Variants in SCLT1 observed in about 807,000 individuals in gnomAD.
The protein encoded by SCLT1 is sodium channel-associated protein 1.
SCLT1 carries 78 observed loss-of-function variants against 112.8 expected under a neutral mutation model. That is an observed-to-expected ratio of 0.69 (90% confidence interval 0.58 to 0.83). SCLT1 has a LOEUF of 0.83. Among genes scored for constraint, SCLT1 ranks in the 40% least tolerant of loss-of-function variants. The pLI is 0.00. For missense variants in SCLT1, 747 were observed against 770.4 expected (o/e 0.97, Z 0.36); for synonymous variants, 257 against 254.7 (o/e 1.01, Z -0.09).
At chr4:128,945,475 A>G (rs1738069269) in intron 16 of SCLT1, among the ~76,000 whole-genome samples, 1 of 152,200 alleles carries the variant, frequency 6.6e-6, no homozygotes, top group South Asian at 2.1e-4. Flanking sequence ...AGGTATTAGT[A>G]TTTAATTAAA....
At chr4:129,012,288 C>T (rs1302399598) in intron 5 of SCLT1, among the ~76,000 whole-genome samples, 2 of 152,128 alleles carry the variant, frequency 1.3e-5, no homozygotes, top group African/African-American at 4.8e-5. Flanking sequence ...ATTATTTACC[C>T]AAACGTCATT....
At chr4:128,989,397 AG>A (rs142706302) in intron 9 of SCLT1, among the ~76,000 whole-genome samples, 2,684 of 152,056 alleles carry the variant, frequency 0.018, 96 homozygotes, top group African/African-American at 0.062. Flanking sequence ...TAACCAATTT[AG>A]AAGGAAATTT....
At chr4:129,002,534 A>G (rs1366267461) in intron 6 of SCLT1, among the ~76,000 whole-genome samples, 1 of 152,114 alleles carries the variant, frequency 6.6e-6, no homozygotes, top group Non-Finnish European at 1.5e-5. Context: ...TTTTCCTTTA[A>G]AAATTTTCAT....
At chr4:129,090,541 G>A (rs149149341) in intron 1 of SCLT1, among the ~76,000 whole-genome samples, 12 of 152,220 alleles carry the variant, frequency 7.9e-5, no homozygotes, top group Non-Finnish European at 1.8e-4. Context: ...CTTGGGTTAG[G>A]CAATGATTTC....
chr4:129,044,486 T>C (rs1184768475), intron 2 of SCLT1, among the ~76,000 whole-genome samples: 1 of 151,866 alleles, frequency 6.6e-6, no homozygotes, highest in African/African-American at 2.4e-5. Context: ...AGTAGCTTTT[T>C]CAAATACCAG....
At chr4:128,899,181 A>G (rs1274305585) in intron 18 of SCLT1, among the ~76,000 whole-genome samples, 1 of 152,234 alleles carries the variant, frequency 6.6e-6, no homozygotes, top group African/African-American at 2.4e-5. Context: ...TTATGAGGCC[A>G]GCATCATCCT....
chr4:128,958,352 T>C (rs1223514150), intron 12 of SCLT1, among the ~76,000 whole-genome samples: 1 of 152,190 alleles, frequency 6.6e-6, no homozygotes, highest in African/African-American at 2.4e-5. Context: ...CTGCCTTGTT[T>C]GTGTGATCGG....
At chr4:128,974,856 T>C (rs940924719) in intron 9 of SCLT1, among the ~76,000 whole-genome samples, 1 of 152,046 alleles carries the variant, frequency 6.6e-6, no homozygotes, top group African/African-American at 2.4e-5. Flanking sequence ...AAAACACAAC[T>C]AGTTAACTAT....
At chr4:129,025,064 T>A (rs1013587507) in intron 5 of SCLT1, among the ~76,000 whole-genome samples, 1 of 152,208 alleles carries the variant, frequency 6.6e-6, no homozygotes, top group African/African-American at 2.4e-5. Flanking sequence ...AGACCAAATC[T>A]ACGTCTGATT....
intron 6 of SCLT1, among the ~76,000 whole-genome samples, chr4:129,000,852 A>G (rs746742385): frequency 6.6e-6 from 1 of 151,936 alleles, no homozygotes; most frequent in Non-Finnish European, 1.5e-5. Flanking sequence ...TAGAAGCTGG[A>G]CGACCCTCTT....
At chr4:129,026,766 GT>G (rs1746135228) in intron 5 of SCLT1, among the ~76,000 whole-genome samples, 1 of 152,116 alleles carries the variant, frequency 6.6e-6, no homozygotes, top group Non-Finnish European at 1.5e-5. Flanking sequence ...CCAGGAGCTG[GT>G]TTTTTGAAAG....
chr4:128,893,635 C>G (rs1225746716), intron 18 of SCLT1, among the ~76,000 whole-genome samples: 1 of 152,114 alleles, frequency 6.6e-6, no homozygotes, highest in Non-Finnish European at 1.5e-5. Flanking sequence ...CTCTGCCTCC[C>G]AGGCTCATGC....
At chr4:128,879,447 A>T (rs993249441), downstream of SCLT1, among the ~76,000 whole-genome samples, 17 of 152,328 alleles carry the variant, frequency 1.1e-4, no homozygotes, top group Non-Finnish European at 2.1e-4. Flanking sequence ...TGTCAAAATT[A>T]TAAATTCCTC....
Position 128,992,171 on chromosome 4 carries a change from G to C in SCLT1, c.682C>G (p.Leu228Val). 1 of 1,578,478 alleles carries C rather than the reference G, an allele frequency of 6.3e-7. No homozygotes were observed. The highest frequency in any genetic ancestry group is 2.3e-5 in the East Asian group (1 of 44,232). The change falls in exon 9 of 21, where the codon CTT becomes GTT. Residue 228 changes from leucine to valine, a missense_variant. This residue lies in a region of SCLT1 where 723 missense variants were observed against 721.3 expected (regional missense o/e 1.00). Coordinates refer to ENST00000281142, the MANE Select transcript of SCLT1 (RefSeq NM_144643.4). Reference protein sequence around the residue: ...SVIIEQLRKKLRQAKLELRVA... With the variant: ...SVIIEQLRKKVRQAKLELRVA... ...GAAACTCATTTTTGAAAATACCTAAGTTTTTTTCGGAGTTGTTCGATTATC... is the reference window on the plus strand; with the variant it reads ...GAAACTCATTTTTGAAAATACCTAACTTTTTTTCGGAGTTGTTCGATTATC...
intron 2 of SCLT1, among the ~76,000 whole-genome samples, chr4:129,068,212 GTA>G (rs779442161): frequency 3.4e-4 from 52 of 151,908 alleles, no homozygotes; most frequent in Non-Finnish European, 6.5e-4. Flanking sequence ...ACATATATAT[GTA>G]TGTGTGTGTG....
intron 18 of SCLT1, among the ~76,000 whole-genome samples, chr4:128,901,001 A>G (rs556781657): frequency 6.6e-6 from 1 of 152,160 alleles, no homozygotes; most frequent in East Asian, 1.9e-4. Context: ...TTAGAATGGC[A>G]ATCATTAAAA....
chr4:128,988,997 A>G (rs1742334519), intron 9 of SCLT1, among the ~76,000 whole-genome samples: 1 of 151,936 alleles, frequency 6.6e-6, no homozygotes, highest in Admixed American at 6.6e-5. Context: ...TATTAGAACT[A>G]AAGATAAAGT....
At chr4:128,928,910 T>C (rs1042901051) in intron 18 of SCLT1, among the ~76,000 whole-genome samples, 2 of 152,128 alleles carry the variant, frequency 1.3e-5, no homozygotes, top group Admixed American at 6.6e-5. Context: ...CTGAATGTGA[T>C]AGAGGTTATC....
At chr4:129,052,680 C>G (rs1182197565) in intron 2 of SCLT1, among the ~76,000 whole-genome samples, 1 of 152,020 alleles carries the variant, frequency 6.6e-6, no homozygotes, top group East Asian at 1.9e-4. Flanking sequence ...GAAAAATTAG[C>G]TCCTAGACTT....
Sources: allele counts gnomAD v4.1 joint callset (sites outside exome capture counted in the v4.1 genomes callset), GRCh38; gene constraint gnomAD v4.1.1; regional missense constraint gnomAD v4.1.1; transcripts MANE v1.5; gene names NCBI Gene and HGNC (gene_info 2026-07-23, HGNC 2026-07-21).